VWC2L: variants seen among roughly 807,000 people sequenced by gnomAD.
The protein encoded by VWC2L is von Willebrand factor C domain containing 2 like.
A neutral mutation model predicts 21.6 loss-of-function variants in VWC2L; 10 were observed. That is an observed-to-expected ratio of 0.46 (90% CI 0.29 to 0.78). VWC2L has a LOEUF of 0.78. Ranked by LOEUF, VWC2L falls within the 30% of genes least tolerant of loss-of-function variation. VWC2L has a pLI of 0.10. For synonymous variants in VWC2L, 96 were observed against 94.3 expected (o/e 1.02, Z -0.10); for missense variants, 209 against 277.1 (o/e 0.75, Z 1.74).
chr2:214,563,970 G>A (rs1167202723), intron 3 of VWC2L, among the ~76,000 whole-genome samples: 1 of 152,098 alleles, frequency 6.6e-6, no homozygotes, highest in African/African-American at 2.4e-5. Context: ...AGCTTAAGCT[G>A]ATGAACAACT....
chr2:214,550,934 AG>A (rs1401465958), intron 3 of VWC2L, among the ~76,000 whole-genome samples: 23 of 152,180 alleles, frequency 1.5e-4, no homozygotes, highest in Non-Finnish European at 2.9e-5. Flanking sequence ...AATCTTCACC[AG>A]CCCTCTCTTC....
intron 3 of VWC2L, among the ~76,000 whole-genome samples, chr2:214,479,844 A>C (rs1333791344): frequency 6.6e-6 from 1 of 152,184 alleles, no homozygotes; most frequent in African/African-American, 2.4e-5. Context: ...TCAATCTAAT[A>C]AGATTGTATT....
chr2:214,569,836 T>C (rs1483699257), intron 3 of VWC2L, among the ~76,000 whole-genome samples: 1 of 152,128 alleles, frequency 6.6e-6, no homozygotes, highest in Non-Finnish European at 1.5e-5. Context: ...ATATATTTAC[T>C]CCCCTTAATG....
chr2:214,474,800 A>G (rs1037556270), intron 3 of VWC2L, among the ~76,000 whole-genome samples: 5 of 152,170 alleles, frequency 3.3e-5, no homozygotes, highest in Non-Finnish European at 7.4e-5. Flanking sequence ...AAAATGCTCC[A>G]CATAGTTGCC....
intron 3 of VWC2L, among the ~76,000 whole-genome samples, chr2:214,442,657 T>G (rs1398449737): frequency 9.9e-5 from 15 of 152,054 alleles, no homozygotes. Context: ...ATATTTATAA[T>G]TTAAAATATT....
intron 3 of VWC2L, among the ~76,000 whole-genome samples, chr2:214,482,155 T>A (rs899675352): frequency 1.3e-5 from 2 of 152,078 alleles, no homozygotes; most frequent in African/African-American, 4.8e-5. Flanking sequence ...TCGCAATAGG[T>A]CTAAAAACCA....
chr2:214,480,982 A>T (rs61139661), intron 3 of VWC2L, among the ~76,000 whole-genome samples: 1 of 151,770 alleles, frequency 6.6e-6, no homozygotes, highest in East Asian at 1.9e-4. Context: ...GTTTACTATT[A>T]TAACCTAAAG....
chr2:214,509,647 C>T (rs1268970621), intron 3 of VWC2L, among the ~76,000 whole-genome samples: 2 of 152,172 alleles, frequency 1.3e-5, no homozygotes, highest in East Asian at 3.9e-4. Flanking sequence ...TCCCACCTTC[C>T]TGTGTTTTTG....
chr2:214,574,213 G>A (rs769224538), intron 3 of VWC2L, among the ~76,000 whole-genome samples: 4 of 152,178 alleles, frequency 2.6e-5, no homozygotes, highest in Non-Finnish European at 5.9e-5. Context: ...CTTGCTAGCT[G>A]TTTGTCAGAG....
At chr2:214,423,097 G>A (rs1163078413) in intron 2 of VWC2L, among the ~76,000 whole-genome samples, 4 of 151,888 alleles carry the variant, frequency 2.6e-5, no homozygotes, top group African/African-American at 9.7e-5. Flanking sequence ...AACATTATTG[G>A]GTTGGGATTT....
chr2:214,538,999 T>A (rs1490854722), intron 3 of VWC2L, among the ~76,000 whole-genome samples: 2 of 152,170 alleles, frequency 1.3e-5, no homozygotes, highest in African/African-American at 2.4e-5. Flanking sequence ...CATCTATAGA[T>A]CTTCCTTGCA....
intron 2 of VWC2L, among the ~76,000 whole-genome samples, chr2:214,416,339 C>T (rs1247936140): frequency 6.6e-6 from 1 of 151,922 alleles, no homozygotes; most frequent in East Asian, 1.9e-4. Context: ...TTTCTGTACC[C>T]CTTCTCGTTA....
intron 3 of VWC2L, among the ~76,000 whole-genome samples, chr2:214,441,886 A>T (rs2126180796): frequency 6.6e-6 from 1 of 151,578 alleles, no homozygotes; most frequent in South Asian, 2.1e-4. Flanking sequence ...ATCTTATAAT[A>T]AAATAAGATT....
chr2:214,522,047 T>TA (rs1188714724), intron 3 of VWC2L, among the ~76,000 whole-genome samples: 1 of 152,218 alleles, frequency 6.6e-6, no homozygotes, highest in East Asian at 1.9e-4. Context: ...AAAGTCCAGA[T>TA]AATAGCTAGA....
chr2:214,430,558 A>G (rs760181189), intron 2 of VWC2L, among the ~76,000 whole-genome samples: 9 of 152,142 alleles, frequency 5.9e-5, no homozygotes, highest in Non-Finnish European at 1.2e-4. Flanking sequence ...ATTAGACATC[A>G]TATTTCTGAA....
intron 3 of VWC2L, among the ~76,000 whole-genome samples, chr2:214,560,993 T>G (rs1178544469): frequency 6.6e-6 from 1 of 152,246 alleles, no homozygotes; most frequent in Non-Finnish European, 1.5e-5. Flanking sequence ...CCATATATTT[T>G]GAAACTTCTT....
At position 214,451,636 on chromosome 2, in the gene VWC2L, A is replaced by C. The variant is rs147478313; in HGVS notation, c.520+14878A>C. Among the ~76,000 whole-genome samples the C allele has an allele frequency of 5.2e-3, 790 of 152,300 alleles. 7 individuals are homozygous for C. Among genetic ancestry groups the C allele is most frequent in the African/African-American group, 0.018 (741 of 41,566 alleles). ...GTCATGAGCATTGAGAGCTAAATTC[A>C]ACCAATTTTTAAAGGCAGCAAAAGT... On this transcript the variant is annotated intron_variant, in intron 3 of 3. Transcript: ENST00000312504.
At chr2:214,525,881 T>A (rs1689325302) in intron 3 of VWC2L, among the ~76,000 whole-genome samples, 1 of 152,194 alleles carries the variant, frequency 6.6e-6, no homozygotes, top group African/African-American at 2.4e-5. Flanking sequence ...TTTCTCAGCT[T>A]CAGTTTTCTC....
chr2:214,491,537 C>T (rs1688745643), intron 3 of VWC2L, among the ~76,000 whole-genome samples: 2 of 152,118 alleles, frequency 1.3e-5, no homozygotes, highest in South Asian at 4.1e-4. Flanking sequence ...TTTTGGATAA[C>T]CATTTTAGAT....
Sources: gnomAD v4.1 joint callset for allele counts (sites outside exome capture counted in the v4.1 genomes callset) on GRCh38, gnomAD v4.1.1 for gene constraint, MANE v1.5 for transcripts, NCBI Gene and HGNC (gene_info 2026-07-23, HGNC 2026-07-21) for gene names.